Variants in ASTN1 observed in about 807,000 individuals in gnomAD.
ASTN1 encodes the protein astrotactin 1.
In ASTN1, 41 loss-of-function variants were observed where a neutral mutation model predicts 140.7. That is an observed-to-expected ratio of 0.29 (90% CI 0.23 to 0.38). The LOEUF (loss-of-function observed/expected upper bound fraction) is 0.38. ASTN1 is among the 10% of genes least tolerant of loss of function. The pLI is 1.00. For missense variants in ASTN1, 1,479 were observed against 1,678.8 expected (o/e 0.88, Z 2.08); for synonymous variants, 640 against 652.2 (o/e 0.98, Z 0.29).
At chr1:177,123,533 C>G (rs1681498815) in intron 1 of ASTN1, among the ~76,000 whole-genome samples, 1 of 152,136 alleles carries the variant, frequency 6.6e-6, no homozygotes, top group Non-Finnish European at 1.5e-5. Context: ...GCAACAGAGT[C>G]TACCAAATAT....
chr1:177,101,349 C>T (rs1349249260), intron 1 of ASTN1, among the ~76,000 whole-genome samples: 1 of 152,132 alleles, frequency 6.6e-6, no homozygotes, highest in Non-Finnish European at 1.5e-5. Flanking sequence ...GTGATTCACA[C>T]AATGAAATGC....
intron 1 of ASTN1, among the ~76,000 whole-genome samples, chr1:177,150,954 T>A (rs558942093): frequency 3.3e-5 from 5 of 152,248 alleles, no homozygotes; most frequent in African/African-American, 1.2e-4. Flanking sequence ...ATATTTAATA[T>A]CTTGCCCTAT....
chr1:176,936,186 TG>T, intron 15 of ASTN1, 79 bp downstream of exon 15: 1 of 1,278,208 alleles, frequency 7.8e-7, no homozygotes. Context: ...TCTTCGACAG[TG>T]GGACCAAAGG....
At chr1:177,128,402 A>T (rs1477820215) in intron 1 of ASTN1, among the ~76,000 whole-genome samples, 1 of 152,240 alleles carries the variant, frequency 6.6e-6, no homozygotes, top group Admixed American at 6.5e-5. Context: ...AAGTCAAAAC[A>T]TTATTAGAGT....
In ASTN1 at chr1:177,076,486, T is replaced by C. The variant is rs568132312; in HGVS notation, c.284-15221A>G. On this transcript the variant is annotated intron_variant, in intron 1 of 22. Transcript: ENST00000361833. ...AGGAAGGATGGGAAAAGAAAAGACG[T>C]TTCTCTGCTAGAGTTGCTTTTCTTT... 2.6e-5 allele frequency among the ~76,000 whole-genome samples: 4 copies of C among 151,456 alleles called. No individual in the cohort carries two copies. In the East Asian group the frequency reaches 7.8e-4, roughly 29 times the overall value.
chr1:177,095,652 G>C (rs1294574629), intron 1 of ASTN1, among the ~76,000 whole-genome samples: 6 of 152,190 alleles, frequency 3.9e-5, no homozygotes, highest in East Asian at 3.9e-4. Context: ...CCTCTACCTA[G>C]ATTTGAAAGA....
At chr1:177,159,534 A>T (rs562333871) in intron 1 of ASTN1, among the ~76,000 whole-genome samples, 1 of 152,382 alleles carries the variant, frequency 6.6e-6, no homozygotes, top group East Asian at 1.9e-4. Context: ...AAGCTCACCC[A>T]TAAGTAACAT....
At chr1:177,128,464 G>GT (rs1362573683) in intron 1 of ASTN1, among the ~76,000 whole-genome samples, 1 of 152,086 alleles carries the variant, frequency 6.6e-6, no homozygotes, top group African/African-American at 2.4e-5. Flanking sequence ...AGTCAAATGA[G>GT]TTACTTTTGA....
intron 1 of ASTN1, among the ~76,000 whole-genome samples, chr1:177,126,528 G>A (rs769529747): frequency 2.0e-4 from 31 of 152,162 alleles, no homozygotes; most frequent in Middle Eastern, 3.2e-3. Context: ...AATAAAGGAC[G>A]AATGGAAAAC....
intron 21 of ASTN1, among the ~76,000 whole-genome samples, chr1:176,873,891 G>A (rs920971288): frequency 8.5e-5 from 13 of 152,096 alleles, no homozygotes; most frequent in African/African-American, 2.7e-4. Context: ...GGGTTGACCC[G>A]AAGGAGCCCC....
intron 8 of ASTN1, among the ~76,000 whole-genome samples, chr1:176,977,428 A>G (rs1331016215): frequency 6.6e-6 from 1 of 152,228 alleles, no homozygotes; most frequent in African/African-American, 2.4e-5. Context: ...TAACGCACTG[A>G]TTCATTCCTC....
At chr1:176,935,931 G>A in intron 15 of ASTN1, 1 of 374,174 alleles carries the variant, frequency 2.7e-6, no homozygotes, top group East Asian at 6.6e-5. Flanking sequence ...CATTTGGAAT[G>A]CTTAATTCTC....
rs1019873390 is a variant in ASTN1 at position 176,861,982 on chromosome 1, G to T, written c.*2302C>A. The T allele has an allele frequency of 9.1e-6, 9 of 985,414 alleles. No individual in the cohort carries two copies. The highest frequency in any genetic ancestry group is 5.2e-5 in the African/African-American group (3 of 57,222). 61.0% of individuals were successfully genotyped at this position (985,414 alleles called of 1,614,324 possible). A position where few individuals can be genotyped will look rare whatever the true frequency, so the allele number is the denominator to read the frequency against. ...ACATCATCCACTTCTGGGCAGGAAG[G>T]CATCGGCAGCCTCACCCTCCTTTCA... On this transcript the variant is annotated 3_prime_UTR_variant, in exon 23 of 23. Coordinates refer to ENST00000361833, the MANE Select transcript of ASTN1 (RefSeq NM_004319.3).
At chr1:177,065,455 A>G (rs2102042431) in intron 1 of ASTN1, among the ~76,000 whole-genome samples, 1 of 152,328 alleles carries the variant, frequency 6.6e-6, no homozygotes, top group Non-Finnish European at 1.5e-5. Flanking sequence ...AGAGGTTTCA[A>G]TCTAATGGGA....
At chr1:176,887,929 T>C in intron 18 of ASTN1, 142 bp downstream of exon 18, 1 of 1,209,070 alleles carries the variant, frequency 8.3e-7, no homozygotes, top group Non-Finnish European at 1.1e-6. Flanking sequence ...GCTGCCTCCC[T>C]TGGTAGATTG....
At chr1:177,121,098 A>G (rs761929809) in intron 1 of ASTN1, among the ~76,000 whole-genome samples, 2 of 152,064 alleles carry the variant, frequency 1.3e-5, no homozygotes, top group Non-Finnish European at 2.9e-5. Context: ...ATATATATAT[A>G]CATGCACTAT....
intron 8 of ASTN1, among the ~76,000 whole-genome samples, chr1:177,009,350 C>T (rs183189765): frequency 4.5e-4 from 68 of 152,314 alleles, no homozygotes; most frequent in Non-Finnish European, 9.1e-4. Flanking sequence ...CTCTAAGGAA[C>T]TGTTAAGAAT....
intron 1 of ASTN1, among the ~76,000 whole-genome samples, chr1:177,122,143 G>C (rs1014237865): frequency 1.3e-5 from 2 of 152,152 alleles, no homozygotes; most frequent in Non-Finnish European, 2.9e-5. Flanking sequence ...TCATGCCAAA[G>C]TGGTTTTAAA....
intron 20 of ASTN1, among the ~76,000 whole-genome samples, chr1:176,882,398 T>C (rs1668839988): frequency 6.6e-6 from 1 of 152,354 alleles, no homozygotes; most frequent in African/African-American, 2.4e-5. Context: ...TACTTGCTAC[T>C]CACCTTCATG....
Sources: gnomAD v4.1 joint callset for allele counts (sites outside exome capture counted in the v4.1 genomes callset) on GRCh38, gnomAD v4.1.1 for gene constraint, MANE v1.5 for transcripts, NCBI Gene and HGNC (gene_info 2026-07-23, HGNC 2026-07-21) for gene names.